BCAS1: variants seen among roughly 807,000 people sequenced by gnomAD.
BCAS1 encodes the protein breast carcinoma-amplified sequence 1.
BCAS1 carries 46 observed loss-of-function variants against 65.4 expected under a neutral mutation model. That is an observed-to-expected ratio of 0.70 (90% CI 0.55 to 0.90). The LOEUF (loss-of-function observed/expected upper bound fraction) is 0.90, where lower values mean the gene tolerates loss of function less well. BCAS1 is among the 40% of genes least tolerant of loss of function. The pLI, the probability that BCAS1 is intolerant of heterozygous loss-of-function variation, is 0.00. For synonymous variants in BCAS1, 298 were observed against 293.5 expected, an observed-to-expected ratio of 1.02 and a Z score of -0.16; for missense variants, 793 against 771.2, an observed-to-expected ratio of 1.03 and a Z score of -0.33.
intron 4 of BCAS1, 119 bp downstream of exon 4, chr20:54,028,273 G>A: frequency 2.1e-6 from 2 of 935,044 alleles, no homozygotes; most frequent in Non-Finnish European, 1.7e-6. Flanking sequence ...GTTCTAGAGG[G>A]GTCAACAGCT....
At chr20:54,040,402 T>C (rs752279190) in intron 3 of BCAS1, among the ~76,000 whole-genome samples, 2 of 151,198 alleles carry the variant, frequency 1.3e-5, no homozygotes, top group Non-Finnish European at 3.0e-5. Context: ...GCTGTGGAGA[T>C]ACGGTTGTGG....
chr20:53,954,744 C>T (rs527300218), intron 11 of BCAS1, among the ~76,000 whole-genome samples: 2 of 152,216 alleles, frequency 1.3e-5, no homozygotes, highest in South Asian at 4.1e-4. Context: ...AAAAATATTT[C>T]TCCAGTATAA....
rs76620569 is a variant in BCAS1, at chr20:53,980,644, C to A, written c.1275+4643G>T. ...GCTTTTACTCAAACATCACATCTGC[C>A]TTTGGGGCTTGAGGTGTGTCTCTAC... On this transcript the variant is annotated intron_variant, in intron 8 of 12. Coordinates refer to ENST00000688948, the MANE Select transcript of BCAS1 (RefSeq NM_001366298.2). 5.3e-3 allele frequency among the ~76,000 whole-genome samples: 810 copies of A among 152,296 alleles called. 9 individuals carry two copies. The highest frequency in any genetic ancestry group is 0.018 in the African/African-American group (747 of 41,556).
At chr20:54,004,783 T>A (rs1325241650) in intron 4 of BCAS1, among the ~76,000 whole-genome samples, 4 of 152,106 alleles carry the variant, frequency 2.6e-5, no homozygotes, top group Admixed American at 6.6e-5. Flanking sequence ...ACCCTCAATG[T>A]GACTACATAC....
intron 12 of BCAS1, among the ~76,000 whole-genome samples, chr20:53,946,544 A>G (rs2089327677): frequency 6.6e-6 from 1 of 150,986 alleles, no homozygotes; most frequent in African/African-American, 2.4e-5. Flanking sequence ...GAGAGAGTAT[A>G]GTATAGAGTA....
At position 53,949,866 on chromosome 20, in the gene BCAS1, T is replaced by C. The variant is rs577755652; in HGVS notation, c.1815+3566A>G. 9.9e-5 allele frequency among the ~76,000 whole-genome samples: 15 copies of C among 152,278 alleles called. 1 individual carries two copies. Among genetic ancestry groups the C allele is most frequent in the African/African-American group, 3.6e-4 (15 of 41,564 alleles). ...AAGAGATGAGGTCTGTAAAGGAGTG[T>C]GGTCCCAGAGGAGGGACTCGGTGTC... On this transcript the variant is annotated intron_variant, in intron 12 of 12. Transcript: ENST00000688948.
In BCAS1 at chr20:53,953,664, G is replaced by A. The variant is rs145068978; in HGVS notation, c.1583C>T (p.Pro528Leu). The stretch of plus-strand genomic sequence containing the variant: ...TGCTCCTGTTGGTTCAGGCTCTGGC[G>A]GTGTGATAGTCTTTTCTGTGGAGTC... The part of the protein sequence containing the change: ...TSDSTEKTIT[P>L]PEPEPTGAPQ... Residue 528 changes from proline (P) to leucine (L), a missense_variant, in exon 12 of 13, where the codon CCG (proline) becomes CTG (leucine). Physicochemically the swap from Pro to Leu is moderately conservative, Grantham distance 98. Transcript: ENST00000688948. The A allele has an allele frequency of 5.0e-5, 81 of 1,613,742 alleles. No individual in the cohort carries two copies. Among genetic ancestry groups the A allele is most frequent in the South Asian group, 2.0e-4 (18 of 91,054 alleles).
At chr20:53,976,423 A>ATT (rs73625490) in intron 8 of BCAS1, among the ~76,000 whole-genome samples, 1 of 147,286 alleles carries the variant, frequency 6.8e-6, no homozygotes, top group Admixed American at 6.8e-5. Flanking sequence ...ACTAAGTCCT[A>ATT]TTTTTTTTTT....
At chr20:54,021,428 TA>T (rs2091556609) in intron 4 of BCAS1, among the ~76,000 whole-genome samples, 1 of 86,538 alleles carries the variant, frequency 1.2e-5, no homozygotes, top group African/African-American at 3.6e-5. Context: ...AATTTAAAAA[TA>T]CCTTGTCTCA....
intron 4 of BCAS1, among the ~76,000 whole-genome samples, chr20:53,996,423 C>T (rs1042013273): frequency 1.1e-4 from 16 of 140,588 alleles, no homozygotes; most frequent in Middle Eastern, 3.8e-3. Context: ...CCAGAGATGG[C>T]GTTTCCCACA....
At chr20:53,948,455 C>T (rs1347881947) in intron 12 of BCAS1, among the ~76,000 whole-genome samples, 1 of 152,198 alleles carries the variant, frequency 6.6e-6, no homozygotes, top group African/African-American at 2.4e-5. Flanking sequence ...ACAGGTCCTG[C>T]CACAATGGGT....
intron 9 of BCAS1, among the ~76,000 whole-genome samples, chr20:53,973,566 C>T (rs767892020): frequency 6.6e-6 from 1 of 152,188 alleles, no homozygotes; most frequent in Non-Finnish European, 1.5e-5. Context: ...CAACTACACA[C>T]AAACATCCAA....
intron 10 of BCAS1, among the ~76,000 whole-genome samples, chr20:53,966,509 G>A (rs980427403): frequency 6.6e-6 from 1 of 152,168 alleles, no homozygotes; most frequent in African/African-American, 2.4e-5. Flanking sequence ...AGGGATAAAA[G>A]ACTGCATACT....
At chr20:54,043,297 TTGATGATGATGATGA>T (rs3831640) in intron 3 of BCAS1, among the ~76,000 whole-genome samples, 11 of 149,870 alleles carry the variant, frequency 7.3e-5, no homozygotes, top group Non-Finnish European at 1.5e-4. Context: ...CTATGATAAC[TTGATGATGATGATGA>T]TGATGATGAT....
chr20:54,061,256 G>A lies in BCAS1; in HGVS notation c.-5-2533C>T, dbSNP rs550674278. Among the ~76,000 whole-genome samples the A allele has an allele frequency of 1.4e-4, 21 of 152,268 alleles. No individual in the cohort carries two copies. The East Asian group carries it at 4.1e-3, about 29-fold the overall frequency. ...GTGCTCCTAACCACCGGAATGTTCT[G>A]CATATTACTAGCTTCCCTTAAAAAG... On this transcript the variant is annotated intron_variant, in intron 1 of 12. Transcript: ENST00000688948.
chr20:54,008,808 A>AT (rs879383985), intron 4 of BCAS1, among the ~76,000 whole-genome samples: 2,258 of 144,732 alleles, frequency 0.016, 45 homozygotes, highest in African/African-American at 0.046. Flanking sequence ...TCTAACAAAG[A>AT]TTTTTTTTTT....
At chr20:54,042,675 T>A (rs947651235) in intron 3 of BCAS1, among the ~76,000 whole-genome samples, 1 of 152,148 alleles carries the variant, frequency 6.6e-6, no homozygotes, top group African/African-American at 2.4e-5. Flanking sequence ...GGTGGGGATT[T>A]TTTCTCTGCC....
chr20:53,993,178 C>A (rs1195353151), intron 6 of BCAS1, among the ~76,000 whole-genome samples: 1 of 152,146 alleles, frequency 6.6e-6, no homozygotes, highest in African/African-American at 2.4e-5. Flanking sequence ...TGGGTAGACC[C>A]CCGCCAGGCA....
At position 54,066,068 on chromosome 20, in the gene BCAS1, A is replaced by AT. The variant is rs1051455563; in HGVS notation, c.-6+4364dup. 1.6e-3 allele frequency among the ~76,000 whole-genome samples: 228 copies of AT among 146,116 alleles called. 3 individuals are homozygous for AT. Among genetic ancestry groups the AT allele is most frequent in the South Asian group, 0.011 (50 of 4,538 alleles). The stretch of plus-strand genomic sequence containing the variant: ...CTTATCAGAACCCGATGAGGCAGGT[A>AT]TTTTTTTTCTTTTTTTTTTTTTGAG... On this transcript the variant is annotated intron_variant, in intron 1 of 12. Transcript: ENST00000688948.
Sources: allele counts gnomAD v4.1 joint callset (sites outside exome capture counted in the v4.1 genomes callset), GRCh38; gene constraint gnomAD v4.1.1; transcripts MANE v1.5; gene names NCBI Gene and HGNC (gene_info 2026-07-23, HGNC 2026-07-21).